The following CYP20A1 variants were observed in gnomAD, a reference collection of about 807,000 sequenced individuals.
The protein encoded by CYP20A1 is cytochrome P450 20A1.
Under a neutral mutation model 61.4 loss-of-function variants are expected in CYP20A1, and 61 were observed. The observed-to-expected ratio is 0.99, with a 90% CI of 0.81 to 1.23. The LOEUF is 1.23. Ranked by LOEUF, CYP20A1 falls within the 50% of genes most tolerant of loss-of-function variation. The probability of loss-of-function intolerance (pLI) is 0.00; values close to 1 mark genes in which losing one functional copy is unlikely to be tolerated. For missense variants in CYP20A1, 530 were observed against 542.4 expected, an observed-to-expected ratio of 0.98 and a Z score of 0.23; for synonymous variants, 193 against 188.2, an observed-to-expected ratio of 1.03 and a Z score of -0.21.
intron 6 of CYP20A1, 98 bp downstream of exon 6, chr2:203,272,846 A>ATT: frequency 1.6e-6 from 1 of 608,502 alleles, no homozygotes. Flanking sequence ...GGTCATTTAT[A>ATT]TTTTCTTTTT....
chr2:203,267,509 TG>T (rs2152076325), intron 5 of CYP20A1, among the ~76,000 whole-genome samples: 1 of 143,766 alleles, frequency 7.0e-6, no homozygotes, highest in South Asian at 2.2e-4. Context: ...ACTTCAGCTC[TG>T]GGTGATGGAG....
intron 8 of CYP20A1, among the ~76,000 whole-genome samples, chr2:203,284,429 T>C (rs2068178841): frequency 6.6e-6 from 1 of 152,238 alleles, no homozygotes; most frequent in Non-Finnish European, 1.5e-5. Context: ...AAAGGAAATA[T>C]AACTACTCTT....
At chr2:203,293,336 C>T (rs1000447371) in intron 11 of CYP20A1, among the ~76,000 whole-genome samples, 25 of 149,670 alleles carry the variant, frequency 1.7e-4, no homozygotes, top group Admixed American at 1.0e-3. Context: ...CTGCCTCAGC[C>T]GCCTCAGTAG....
chr2:203,245,531 C>G (rs1057203323), intron 1 of CYP20A1, among the ~76,000 whole-genome samples: 4 of 151,848 alleles, frequency 2.6e-5, no homozygotes, highest in Non-Finnish European at 5.9e-5. Context: ...ATGTATTGTT[C>G]CCCTCTATGT....
intron 11 of CYP20A1, among the ~76,000 whole-genome samples, chr2:203,293,478 G>C (rs2068632743): frequency 6.8e-6 from 1 of 148,020 alleles, no homozygotes; most frequent in African/African-American, 2.5e-5. Flanking sequence ...GCCTCCCAAA[G>C]TGCAGGATTA....
chr2:203,296,768 A>C lies in CYP20A1; in HGVS notation c.1249A>C (p.Met417Leu). The change falls in exon 13 of 13, where the codon ATG becomes CTG. Residue 417 changes from methionine (M) to leucine (L), a missense_variant. Met to Leu is a conservative substitution (Grantham distance 15). Transcript: ENST00000356079. ...QECPELRFAY[M>L]VTTVLLSVLV... is the part of the protein sequence containing the mutation. ...TTTCTTCCTGACTAGGTTTGCATAT[A>C]TGGTGACCACAGTACTTCTTAGTGT... 1 of 1,590,010 alleles carries C rather than the reference A, an allele frequency of 6.3e-7. No individual in the cohort carries two copies. Among genetic ancestry groups the C allele is most frequent in the Non-Finnish European group, 8.5e-7 (1 of 1,173,750 alleles).
chr2:203,258,967 C>A (rs1299124101), intron 4 of CYP20A1, among the ~76,000 whole-genome samples: 1 of 152,180 alleles, frequency 6.6e-6, no homozygotes, highest in African/African-American at 2.4e-5. Context: ...CTTTGCCTTG[C>A]TTTCAATCAT....
intron 4 of CYP20A1, among the ~76,000 whole-genome samples, chr2:203,253,761 A>G (rs1289142620): frequency 1.3e-5 from 2 of 152,184 alleles, no homozygotes; most frequent in African/African-American, 2.4e-5. Context: ...TAAGAAGCCA[A>G]GGAAAGGAGT....
chr2:203,296,710 A>C (rs1035471912), intron 12 of CYP20A1, 48 bp from the exon 13 acceptor site: 104 of 1,553,990 alleles, frequency 6.7e-5, no homozygotes, highest in Admixed American at 8.7e-5. Context: ...GCAGGTTTAA[A>C]GTATAATTTT....
At chr2:203,274,106 A>G (rs1308519339) in intron 6 of CYP20A1, among the ~76,000 whole-genome samples, 1 of 151,832 alleles carries the variant, frequency 6.6e-6, no homozygotes, top group Non-Finnish European at 1.5e-5. Context: ...CAAATTAATT[A>G]TTCTCCCTTA....
At chr2:203,253,125 T>TCCC (rs1461168592) in intron 4 of CYP20A1, among the ~76,000 whole-genome samples, 1 of 152,160 alleles carries the variant, frequency 6.6e-6, no homozygotes. Context: ...CCCAAGCCCC[T>TCCC]CTGGGTCAGA....
At chr2:203,241,019 G>C (rs904499898) in intron 1 of CYP20A1, among the ~76,000 whole-genome samples, 2 of 152,226 alleles carry the variant, frequency 1.3e-5, no homozygotes, top group African/African-American at 2.4e-5. Context: ...TTTCAGCTTG[G>C]ATCATGGTAG....
chr2:203,292,205 C>T, intron 10 of CYP20A1, 57 bp from the exon 11 acceptor site: 1 of 1,125,742 alleles, frequency 8.9e-7, no homozygotes, highest in Non-Finnish European at 1.3e-6. Context: ...AGTTGACTTT[C>T]TAGGAGTCAT....
chr2:203,250,859 T>C (rs969059314), intron 3 of CYP20A1, among the ~76,000 whole-genome samples: 2 of 151,666 alleles, frequency 1.3e-5, no homozygotes, highest in African/African-American at 4.8e-5. Flanking sequence ...GGTCAGGAGA[T>C]CGAGACCATC....
intron 9 of CYP20A1, among the ~76,000 whole-genome samples, chr2:203,286,539 A>G (rs1376132125): frequency 2.0e-5 from 3 of 152,246 alleles, no homozygotes; most frequent in Non-Finnish European, 2.9e-5. Flanking sequence ...GTATCAATAC[A>G]CACAACAACA....
Position 203,299,959 on chromosome 2 carries a change from A to G in CYP20A1, c.*3051A>G, listed in dbSNP as rs181605886. On this transcript the variant is annotated 3_prime_UTR_variant, in exon 13 of 13. Transcript: ENST00000356079. ...TTCTGTGGTTTTGTGTGTATAGAGC[A>G]TCTTCCTTTGTTACCCAAGTACCTC... 7.5e-4 allele frequency among the ~76,000 whole-genome samples: 115 copies of G among 152,334 alleles called. No homozygotes were observed. The highest frequency in any genetic ancestry group is 1.3e-3 in the Non-Finnish European group (88 of 68,028).
intron 9 of CYP20A1, among the ~76,000 whole-genome samples, chr2:203,288,625 A>G (rs1265832816): frequency 1.3e-5 from 2 of 152,182 alleles, no homozygotes; most frequent in African/African-American, 4.8e-5. Flanking sequence ...ATACAGAGGA[A>G]AGGAAGGAAG....
chr2:203,256,679 C>G (rs2066905544), intron 4 of CYP20A1, among the ~76,000 whole-genome samples: 1 of 152,096 alleles, frequency 6.6e-6, no homozygotes, highest in South Asian at 2.1e-4. Flanking sequence ...TTTTTGTAAT[C>G]CTTTGAGTGT....
rs1470064669 is a variant in CYP20A1 at position 203,305,841 on chromosome 2, C to G, written c.*8933C>G. On this transcript the variant is annotated 3_prime_UTR_variant, in exon 13 of 13. Coordinates refer to ENST00000356079, the MANE Select transcript of CYP20A1 (RefSeq NM_177538.3). ...AGAATAAAGGAAATTATTAATGTTACTTAATAGTTTAAAAAAATTCAGAAG... is the reference window on the plus strand; with the variant it reads ...AGAATAAAGGAAATTATTAATGTTAGTTAATAGTTTAAAAAAATTCAGAAG... 6.6e-6 allele frequency among the ~76,000 whole-genome samples: 1 copy of G among 152,060 alleles called. No homozygotes were observed. Among genetic ancestry groups the G allele is most frequent in the Non-Finnish European group, 1.5e-5 (1 of 68,020 alleles).
Sources: allele counts gnomAD v4.1 joint callset (sites outside exome capture counted in the v4.1 genomes callset), GRCh38; gene constraint gnomAD v4.1.1; transcripts MANE v1.5; gene names NCBI Gene and HGNC (gene_info 2026-07-23, HGNC 2026-07-21).